Variants in RAB11FIP4 observed in about 807,000 individuals in gnomAD.
RAB11FIP4 encodes rab11 family-interacting protein 4.
Under a neutral mutation model 74.3 loss-of-function variants are expected in RAB11FIP4, and 23 were observed. That is an observed-to-expected ratio of 0.31 (90% CI 0.22 to 0.44). The LOEUF is 0.44. RAB11FIP4 is among the 20% of genes least tolerant of loss of function. RAB11FIP4 has a pLI of 1.00. For synonymous variants in RAB11FIP4, 360 were observed against 359.9 expected (o/e 1.00, Z 0.00); for missense variants, 630 against 863.9 (o/e 0.73, Z 3.39).
chr17:31,423,864 C>T (rs1256140954), intron 1 of RAB11FIP4, among the ~76,000 whole-genome samples: 1 of 152,056 alleles, frequency 6.6e-6, no homozygotes, highest in East Asian at 1.9e-4. Flanking sequence ...CCCTTTTTCT[C>T]ATTTTTTTCC....
chr17:31,468,418 T>C (rs2071706008), intron 3 of RAB11FIP4, among the ~76,000 whole-genome samples: 1 of 152,172 alleles, frequency 6.6e-6, no homozygotes, highest in African/African-American at 2.4e-5. Context: ...GCGCAGGTTA[T>C]TTAATCTTTC....
At chr17:31,477,847 CCTCT>C (rs762383406) in intron 3 of RAB11FIP4, among the ~76,000 whole-genome samples, 13 of 152,120 alleles carry the variant, frequency 8.5e-5, no homozygotes, top group Non-Finnish European at 1.6e-4. Context: ...CCTTGAGTAA[CCTCT>C]CTGAGCCTCA....
intron 1 of RAB11FIP4, among the ~76,000 whole-genome samples, chr17:31,402,232 C>CCATCCATCCATCCATCCAT (rs57785883): frequency 2.0e-5 from 3 of 149,974 alleles, no homozygotes; most frequent in Admixed American, 6.6e-5. Context: ...CATCCATCCA[C>CCATCCATCCATCCATCCAT]CCACCATCTA....
intron 3 of RAB11FIP4, among the ~76,000 whole-genome samples, chr17:31,478,476 G>A (rs2071816702): frequency 6.6e-6 from 1 of 152,216 alleles, no homozygotes. Context: ...AAGCTAGGGA[G>A]GCTTCTCTCC....
chr17:31,410,858 C>T (rs939744234), intron 1 of RAB11FIP4, among the ~76,000 whole-genome samples: 13 of 152,190 alleles, frequency 8.5e-5, no homozygotes, highest in African/African-American at 2.2e-4. Context: ...GTCCACCAGC[C>T]GCCCAATCTG....
chr17:31,501,629 C>T (rs62063886), intron 3 of RAB11FIP4: 12,988 of 152,272 alleles, frequency 0.085, 709 homozygotes, highest in South Asian at 0.18. Flanking sequence ...TCCGGGTTCA[C>T]GCCATTCTCC....
At chr17:31,427,747 A>G (rs1437436703) in intron 1 of RAB11FIP4, among the ~76,000 whole-genome samples, 1 of 152,130 alleles carries the variant, frequency 6.6e-6, no homozygotes, top group African/African-American at 2.4e-5. Flanking sequence ...CCCCACATTC[A>G]CAGGCCCCCT....
At chr17:31,429,031 G>A (rs1206625332) in intron 1 of RAB11FIP4, among the ~76,000 whole-genome samples, 1 of 152,156 alleles carries the variant, frequency 6.6e-6, no homozygotes, top group Admixed American at 6.5e-5. Flanking sequence ...AGGCTGGAGT[G>A]CAGTGGCGCG....
At chr17:31,480,618 T>C (rs1261020758) in intron 3 of RAB11FIP4, among the ~76,000 whole-genome samples, 1 of 151,628 alleles carries the variant, frequency 6.6e-6, no homozygotes, top group Non-Finnish European at 1.5e-5. Flanking sequence ...TGAAACCCTC[T>C]CTCTACTAAA....
chr17:31,517,192 G>T (rs1431091680), intron 3 of RAB11FIP4, among the ~76,000 whole-genome samples: 1 of 27,420 alleles, frequency 3.6e-5, no homozygotes, highest in African/African-American at 2.1e-4. Context: ...GAGGCGGTGC[G>T]GGGGGGGGGG....
In RAB11FIP4 at chr17:31,391,916, C is replaced by A; in HGVS notation, c.64C>A (p.Arg22Ser). Residue 22 changes from arginine to serine, a missense_variant, in exon 1 of 15, where the codon CGC becomes AGC. Arg to Ser is a moderately radical substitution (Grantham distance 110). Transcript: ENST00000621161. The part of the protein sequence containing the change: ...AALLRSVRRL[R>S]EVFEVCGRDP... ...TCTGCTGCGCTCCGTGCGCCGCCTG[C>A]GCGAGGTGTTCGAGGTGTGCGGCCG... 1.0e-5 allele frequency: 14 copies of A among 1,353,588 alleles called. No individual in the cohort carries two copies. The highest frequency in any genetic ancestry group is 1.2e-5 in the Non-Finnish European group (13 of 1,049,110). 83.8% of individuals were successfully genotyped at this position (1,353,588 alleles called of 1,614,324 possible).
intron 3 of RAB11FIP4, among the ~76,000 whole-genome samples, chr17:31,463,831 T>TTTTTTTTTTTG (rs2071656861): frequency 7.7e-6 from 1 of 129,598 alleles, no homozygotes; most frequent in African/African-American, 3.1e-5. Flanking sequence ...TTTTTTTTTT[T>TTTTTTTTTTTG]GAGACAGAGT....
At position 31,525,389 on chromosome 17, in the gene RAB11FIP4, G is replaced by A. The variant is rs2072747947; in HGVS notation, c.1274+159G>A. The stretch of plus-strand genomic sequence containing the variant: ...TAACAGTTCCACTTTAATACCACGA[G>A]AAACACAGAGGCATGCTCTTCAGGA... On this transcript the variant is annotated intron_variant, in intron 10 of 14. Coordinates refer to ENST00000621161, the MANE Select transcript of RAB11FIP4 (RefSeq NM_032932.6). The A allele has an allele frequency of 2.5e-5, 17 of 688,246 alleles. 1 individual carries two copies. The South Asian group carries it at 3.1e-4, about 13-fold the overall frequency. 42.6% of individuals were successfully genotyped at this position (688,246 alleles called of 1,614,324 possible). A position where few individuals can be genotyped will look rare whatever the true frequency, so the allele number is the denominator to read the frequency against.
intron 3 of RAB11FIP4, among the ~76,000 whole-genome samples, chr17:31,441,359 C>T (rs1019744725): frequency 2.0e-5 from 3 of 151,982 alleles, no homozygotes; most frequent in Non-Finnish European, 4.4e-5. Flanking sequence ...ATAGGTTATG[C>T]ACACTTTCTT....
chr17:31,472,461 C>T (rs1313336094), intron 3 of RAB11FIP4, among the ~76,000 whole-genome samples: 1 of 152,244 alleles, frequency 6.6e-6, no homozygotes, highest in African/African-American at 2.4e-5. Context: ...CCCCAGCGCT[C>T]ACCATCCCTG....
rs765662748 is a variant in RAB11FIP4, at chr17:31,525,070, G to A, written c.1134-20G>A. The A allele has an allele frequency of 1.3e-6, 2 of 1,550,024 alleles. No homozygotes were observed. Among genetic ancestry groups the A allele is most frequent in the Non-Finnish European group, 1.7e-6 (2 of 1,147,022 alleles). ...GAAATGGTGCAGGCCCCAAGAGCTT[G>A]CCCATTGCGCTGTCCTCAGGGTGCA... On this transcript the variant is annotated intron_variant, in intron 9 of 14. Coordinates refer to ENST00000621161, the MANE Select transcript of RAB11FIP4 (RefSeq NM_032932.6).
intron 3 of RAB11FIP4, among the ~76,000 whole-genome samples, chr17:31,481,297 T>C (rs183098313): frequency 2.4e-4 from 36 of 152,128 alleles, no homozygotes; most frequent in Admixed American, 2.0e-3. Flanking sequence ...GGGTATGTTA[T>C]TGACATTTTT....
chr17:31,531,441 C>T (rs968460476), intron 14 of RAB11FIP4, among the ~76,000 whole-genome samples, 175 bp from the exon 15 acceptor site: 1 of 152,208 alleles, frequency 6.6e-6, no homozygotes, highest in Non-Finnish European at 1.5e-5. Context: ...GGCTGAGCCA[C>T]TTCGACTCTG....
rs138505253 is a variant in RAB11FIP4 at position 31,453,095 on chromosome 17, A to G, written c.336+18973A>G. ...GCTGGGCACGGTGGCTCACGCCTGT[A>G]ATTCCAACACTTTGGGAGGCCAAGG... On this transcript the variant is annotated intron_variant, in intron 3 of 14. Transcript: ENST00000621161. 9.6e-3 allele frequency among the ~76,000 whole-genome samples: 1,455 copies of G among 152,270 alleles called. 15 individuals carry two copies. Among genetic ancestry groups the G allele is most frequent in the African/African-American group, 0.033 (1,380 of 41,540 alleles).
Sources: gnomAD v4.1 joint callset for allele counts (sites outside exome capture counted in the v4.1 genomes callset) on GRCh38, gnomAD v4.1.1 for gene constraint, MANE v1.5 for transcripts, NCBI Gene and HGNC (gene_info 2026-07-23, HGNC 2026-07-21) for gene names.